TEX14: variants seen among roughly 807,000 people sequenced by gnomAD.
TEX14 encodes the protein inactive serine/threonine-protein kinase TEX14.
In TEX14, 168 loss-of-function variants were observed where a neutral mutation model predicts 178.6. The observed-to-expected ratio is 0.94, with a 90% CI of 0.83 to 1.07. TEX14 has a LOEUF of 1.07. Among genes scored for constraint, TEX14 ranks in the 50% least tolerant of loss-of-function variants. The pLI is 0.00. For missense variants in TEX14, 1,730 were observed against 1,753.6 expected (o/e 0.99, Z 0.24); for synonymous variants, 626 against 634.1 (o/e 0.99, Z 0.19).
At chr17:58,674,047 G>A (rs547300990) in intron 1 of TEX14, among the ~76,000 whole-genome samples, 1 of 152,168 alleles carries the variant, frequency 6.6e-6, no homozygotes, top group East Asian at 1.9e-4. Context: ...GCCAAGGCGG[G>A]CAGATTGCCT....
intron 1 of TEX14, among the ~76,000 whole-genome samples, chr17:58,657,507 T>G (rs1452150209): frequency 7.7e-6 from 1 of 129,596 alleles, no homozygotes; most frequent in African/African-American, 2.9e-5. Context: ...AAATGCTTTT[T>G]TTTTTTTTTT....
At chr17:58,624,295 C>G (rs1213121384) in intron 3 of TEX14, among the ~76,000 whole-genome samples, 3 of 151,310 alleles carry the variant, frequency 2.0e-5, no homozygotes, top group Non-Finnish European at 4.4e-5. Context: ...TCTGAATACA[C>G]TATACAAACT....
intron 3 of TEX14, among the ~76,000 whole-genome samples, chr17:58,628,572 T>C (rs2144569922): frequency 6.6e-6 from 1 of 152,146 alleles, no homozygotes; most frequent in African/African-American, 2.4e-5. Flanking sequence ...ATTAGCTGGG[T>C]GTGGTGGCAC....
intron 2 of TEX14, among the ~76,000 whole-genome samples, chr17:58,632,262 G>A (rs1356615079): frequency 1.3e-5 from 2 of 152,200 alleles, no homozygotes; most frequent in Non-Finnish European, 2.9e-5. Flanking sequence ...TATTTGCATA[G>A]CGCGCCCTAT....
At chr17:58,687,073 C>T (rs2047613641) in intron 1 of TEX14, among the ~76,000 whole-genome samples, 1 of 151,880 alleles carries the variant, frequency 6.6e-6, no homozygotes, top group Admixed American at 6.6e-5. Flanking sequence ...ACCAACTCAG[C>T]ATTCCACTGG....
intron 16 of TEX14, 27 bp downstream of exon 16, chr17:58,587,869 C>CCCATT: frequency 6.4e-7 from 1 of 1,560,598 alleles, no homozygotes; most frequent in Non-Finnish European, 8.8e-7. Flanking sequence ...GCTCCACCAC[C>CCCATT]AGTTTCCAGC....
intron 15 of TEX14, among the ~76,000 whole-genome samples, chr17:58,592,624 G>C (rs564554513): frequency 6.7e-6 from 1 of 148,236 alleles, no homozygotes. Context: ...GTGAGCCACC[G>C]CACCCAGCTG....
intron 4 of TEX14, among the ~76,000 whole-genome samples, chr17:58,622,183 A>G (rs760171019): frequency 6.6e-6 from 1 of 152,196 alleles, no homozygotes; most frequent in Non-Finnish European, 1.5e-5. Context: ...GCAGTGGCTC[A>G]TGCCTGTAAT....
chr17:58,609,217 C>T (rs548216430), intron 10 of TEX14, among the ~76,000 whole-genome samples: 2 of 152,320 alleles, frequency 1.3e-5, no homozygotes, highest in African/African-American at 4.8e-5. Flanking sequence ...TCACGCCATT[C>T]TCCTGCCTCA....
intron 2 of TEX14, chr17:58,648,255 A>G (rs2046758708): frequency 6.6e-6 from 1 of 152,178 alleles, no homozygotes; most frequent in Non-Finnish European, 1.5e-5. Context: ...CCTCCACCAC[A>G]CTGTGCAGAA....
chr17:58,593,790 G>T, intron 14 of TEX14, 129 bp from the exon 15 acceptor site: 1 of 760,210 alleles, frequency 1.3e-6, no homozygotes, highest in Non-Finnish European at 2.2e-6. Flanking sequence ...ATTTTCCTTT[G>T]CATGTTTCCT....
Position 58,572,005 on chromosome 17 carries a change from G to GTCA in TEX14, c.3630_3632dup (p.Asp1211dup), listed in dbSNP as rs1382733663. The GTCA allele has an allele frequency of 1.2e-6, 2 of 1,613,986 alleles. No individual in the cohort carries two copies. Among genetic ancestry groups the GTCA allele is most frequent in the South Asian group, 2.2e-5 (2 of 91,084 alleles). ...TTGCTCTCTCTCGGACACTTATAAA[G>GTCA]TCATCAGACAAAGTTTGAATAAATT... is the stretch of plus-strand genomic sequence containing the variant. On this transcript the variant is annotated inframe_insertion, in exon 24 of 32. Transcript: ENST00000349033.
intron 2 of TEX14, chr17:58,631,845 T>C (rs430973): frequency 1.3e-4 from 20 of 152,196 alleles, no homozygotes; most frequent in Middle Eastern, 3.4e-3. Context: ...TTAATGTCCA[T>C]TTATGTGCCT....
chr17:58,608,645 A>C (rs1250699803), intron 10 of TEX14, among the ~76,000 whole-genome samples: 1 of 152,240 alleles, frequency 6.6e-6, no homozygotes, highest in Non-Finnish European at 1.5e-5. Context: ...TGAACTCCCC[A>C]TCTGGTGGCA....
At position 58,613,499 on chromosome 17, in the gene TEX14, G is replaced by A; in HGVS notation, c.927C>T (p.Leu309=). The A allele has an allele frequency of 6.2e-7, 1 of 1,614,128 alleles. No homozygotes were observed. Among genetic ancestry groups the A allele is most frequent in the African/African-American group, 1.3e-5 (1 of 75,032 alleles). Residue 309 remains leucine (L), a synonymous_variant, in exon 9 of 32, where the codon CTC becomes CTT. Transcript: ENST00000349033. ...GGCGGGTTTTCTCTAGGTCCTGGGA[G>A]AGACACACAGCCATCAACTGTAGCA... ...PYLLQLMAVC[L]SQDLEKTRLV...
chr17:58,620,587 G>A (rs1273135137), intron 5 of TEX14, among the ~76,000 whole-genome samples: 2 of 151,954 alleles, frequency 1.3e-5, no homozygotes, highest in Admixed American at 1.3e-4. Context: ...TCCGCCTCCT[G>A]GGTTCAAGTG....
chr17:58,646,129 A>G (rs1018506712), intron 2 of TEX14, among the ~76,000 whole-genome samples: 1 of 152,236 alleles, frequency 6.6e-6, no homozygotes, highest in Non-Finnish European at 1.5e-5. Context: ...TGTCAACTGT[A>G]TTGAAATAAC....
intron 1 of TEX14, among the ~76,000 whole-genome samples, chr17:58,686,543 A>G (rs184138289): frequency 7.9e-5 from 12 of 152,174 alleles, no homozygotes; most frequent in African/African-American, 2.9e-4. Flanking sequence ...AGTCACTGCC[A>G]TGCCCAGGTT....
chr17:58,691,241 T>C lies in TEX14; in HGVS notation c.-2+698A>G, dbSNP rs530369616. Among the ~76,000 whole-genome samples, 339 of 152,322 alleles carry C rather than the reference T, an allele frequency of 2.2e-3. 1 individual carries two copies. The highest frequency in any genetic ancestry group is 3.4e-3 in the Middle Eastern group (1 of 294). The stretch of plus-strand genomic sequence containing the variant: ...CTTCCTTTTGGCATGGCTATGGCCA[T>C]TTGAAATGTGTGGGATTTGCTAAAG... On this transcript the variant is annotated intron_variant, in intron 1 of 31. Coordinates refer to ENST00000349033, the MANE Select transcript of TEX14 (RefSeq NM_031272.5).
Sources: allele counts gnomAD v4.1 joint callset (sites outside exome capture counted in the v4.1 genomes callset), GRCh38; gene constraint gnomAD v4.1.1; transcripts MANE v1.5; gene names NCBI Gene and HGNC (gene_info 2026-07-23, HGNC 2026-07-21).